KIAA0232: variants seen among roughly 807,000 people sequenced by gnomAD.
The protein encoded by KIAA0232 is uncharacterized protein KIAA0232.
KIAA0232 carries 27 observed loss-of-function variants against 122.0 expected under a neutral mutation model. The ratio of observed to expected loss-of-function variants is 0.22; its 90% CI spans 0.16 to 0.31. The LOEUF is 0.31. KIAA0232 is among the 10% of genes least tolerant of loss of function. The probability of loss-of-function intolerance (pLI) is 1.00; values close to 1 mark genes in which losing one functional copy is unlikely to be tolerated. For missense variants in KIAA0232, 1,551 were observed against 1,634.2 expected, an observed-to-expected ratio of 0.95 and a Z score of 0.88; for synonymous variants, 613 against 587.6, an observed-to-expected ratio of 1.04 and a Z score of -0.63.
At position 6,861,170 on chromosome 4, in the gene KIAA0232, C is replaced by T; in HGVS notation, c.788C>T (p.Thr263Ile). The T allele has an allele frequency of 6.2e-7, 1 of 1,614,104 alleles. No individual in the cohort carries two copies. The highest frequency in any genetic ancestry group is 8.5e-7 in the Non-Finnish European group (1 of 1,180,042). ...AAGGAAAACAAATTTAGTAATGGCA[C>T]AATTGAAGAAAAGCCTGCTTTGTAC... Reference protein sequence around the residue: ...NEKENKFSNGTIEEKPALYKK... With the variant: ...NEKENKFSNGIIEEKPALYKK... Residue 263 changes from threonine (T) to isoleucine (I), a missense_variant, in exon 7 of 10, where the codon ACA becomes ATA. Thr to Ile is a moderately conservative substitution (Grantham distance 89). Around this residue, in one of 5 missense-constraint regions of KIAA0232, gnomAD observed 377 missense variants for 381.7 expected, o/e 0.99. Coordinates refer to ENST00000307659, the MANE Select transcript of KIAA0232 (RefSeq NM_014743.3).
intron 3 of KIAA0232, among the ~76,000 whole-genome samples, chr4:6,833,318 C>T (rs1444933281): frequency 2.6e-5 from 4 of 152,178 alleles, no homozygotes; most frequent in Admixed American, 6.5e-5. Context: ...TATTTCAAAT[C>T]AGCATTTCAG....
At position 6,858,447 on chromosome 4, in the gene KIAA0232, A is replaced by G; in HGVS notation, c.459A>G (p.Leu153=). Residue 153 remains leucine (L), a synonymous_variant, in exon 6 of 10, where the codon TTA becomes TTG. Transcript: ENST00000307659. ...CAGAAGAGAAGATTCACAAAAAGTT[A>G]GAGGGGTCTCCCTCTCCAGAGGCAG... ...SKQEEKIHKK[L]EGSPSPEAEL... 2 of 1,605,284 alleles carry G rather than the reference A, an allele frequency of 1.2e-6. No individual in the cohort carries two copies. The highest frequency in any genetic ancestry group is 1.7e-6 in the Non-Finnish European group (2 of 1,176,286).
intron 4 of KIAA0232, 39 bp from the exon 5 acceptor site, chr4:6,857,125 C>T (rs755198419): frequency 1.3e-6 from 2 of 1,509,612 alleles, no homozygotes; most frequent in Non-Finnish European, 1.8e-6. Context: ...TTTGTACATA[C>T]CTGGCTGTAA....
At chr4:6,840,931 A>G (rs1044328224) in intron 3 of KIAA0232, among the ~76,000 whole-genome samples, 2 of 152,162 alleles carry the variant, frequency 1.3e-5, no homozygotes, top group African/African-American at 4.8e-5. Flanking sequence ...TAACAATTCA[A>G]TGCTGTTAAA....
At chr4:6,866,013 G>A (rs1209932185) in intron 7 of KIAA0232, among the ~76,000 whole-genome samples, 3 of 152,150 alleles carry the variant, frequency 2.0e-5, no homozygotes, top group African/African-American at 7.2e-5. Flanking sequence ...GCCCCCAGGC[G>A]ACTTGAGAGG....
At chr4:6,819,780 A>G (rs1218456467) in intron 2 of KIAA0232, among the ~76,000 whole-genome samples, 1 of 152,176 alleles carries the variant, frequency 6.6e-6, no homozygotes, top group Non-Finnish European at 1.5e-5. Context: ...TATTCTACCA[A>G]AAAGACACAT....
chr4:6,844,726 G>A (rs942149816), intron 4 of KIAA0232, among the ~76,000 whole-genome samples: 2 of 152,188 alleles, frequency 1.3e-5, no homozygotes, highest in African/African-American at 2.4e-5. Flanking sequence ...GTGAGCCACC[G>A]TGCCTGGCCA....
At chr4:6,784,832 G>A (rs1716542927) in intron 1 of KIAA0232, among the ~76,000 whole-genome samples, 1 of 151,976 alleles carries the variant, frequency 6.6e-6, no homozygotes, top group Non-Finnish European at 1.5e-5. Flanking sequence ...TTTTTTGTTT[G>A]CTTTGGAGAA....
At chr4:6,801,856 G>A (rs369284860) in intron 1 of KIAA0232, among the ~76,000 whole-genome samples, 2 of 152,120 alleles carry the variant, frequency 1.3e-5, no homozygotes, top group Non-Finnish European at 2.9e-5. Flanking sequence ...TTGTGCATGT[G>A]CTGAAATCAT....
intron 1 of KIAA0232, among the ~76,000 whole-genome samples, chr4:6,803,204 C>CAT (rs34234535): frequency 0.11 from 15,695 of 141,354 alleles, 785 homozygotes; most frequent in Admixed American, 0.13. Flanking sequence ...AAAATGAGTG[C>CAT]ATATATATAT....
intron 1 of KIAA0232, among the ~76,000 whole-genome samples, chr4:6,803,490 T>A (rs914110907): frequency 6.6e-6 from 1 of 152,172 alleles, no homozygotes; most frequent in African/African-American, 2.4e-5. Flanking sequence ...AGTAGTTACG[T>A]AGTTACTGGT....
intron 2 of KIAA0232, among the ~76,000 whole-genome samples, chr4:6,806,331 A>G (rs1717613139): frequency 6.6e-6 from 1 of 152,240 alleles, no homozygotes; most frequent in African/African-American, 2.4e-5. Context: ...TAACAGATGA[A>G]TAAGAATCAT....
At chr4:6,845,201 G>T (rs1200284062) in intron 4 of KIAA0232, among the ~76,000 whole-genome samples, 1 of 152,222 alleles carries the variant, frequency 6.6e-6, no homozygotes, top group Non-Finnish European at 1.5e-5. Context: ...TTGAGCCTGG[G>T]CTTAATCAGG....
Position 6,863,252 on chromosome 4 carries a change from G to A in KIAA0232, c.2870G>A (p.Ser957Asn). 6.2e-7 allele frequency: 1 copy of A among 1,614,094 alleles called. No individual in the cohort carries two copies. Residue 957 changes from serine (S) to asparagine (N), a missense_variant, in exon 7 of 10, where the codon AGT (serine) becomes AAT (asparagine). By Grantham distance (46) the Ser-to-Asn change is conservative. This residue lies in a region of KIAA0232 where 1,108 missense variants were observed against 1,154.8 expected (regional missense o/e 0.96). Transcript: ENST00000307659. ...AVVPPSHTKGSLLQCAASDVV... is the reference protein window; with the variant it reads ...AVVPPSHTKGNLLQCAASDVV... ...GTACCACCTAGTCACACAAAAGGAA[G>A]TCTGTTACAGTGTGCAGCTTCTGAT... is the stretch of plus-strand genomic sequence containing the variant.
chr4:6,807,075 T>TATC (rs1242773814), intron 2 of KIAA0232, among the ~76,000 whole-genome samples: 4 of 150,130 alleles, frequency 2.7e-5, no homozygotes, highest in Non-Finnish European at 3.0e-5. Context: ...TCTATCTATC[T>TATC]ATCTATTTAA....
intron 2 of KIAA0232, among the ~76,000 whole-genome samples, chr4:6,815,633 T>G (rs184545496): frequency 5.1e-4 from 78 of 152,350 alleles, no homozygotes; most frequent in Admixed American, 4.6e-3. Context: ...TGAAAAGTAC[T>G]GCATAGATGA....
chr4:6,843,507 AC>A (rs1719774873), intron 4 of KIAA0232, among the ~76,000 whole-genome samples: 1 of 152,084 alleles, frequency 6.6e-6, no homozygotes, highest in Admixed American at 6.6e-5. Context: ...GTGGCTCAAC[AC>A]CTGTAATCCC....
At chr4:6,793,716 G>C (rs1041764410) in intron 1 of KIAA0232, among the ~76,000 whole-genome samples, 1 of 152,194 alleles carries the variant, frequency 6.6e-6, no homozygotes, top group African/African-American at 2.4e-5. Context: ...GATAAGGGGA[G>C]AGTGAGCTAA....
intron 8 of KIAA0232, among the ~76,000 whole-genome samples, chr4:6,873,013 TC>T (rs1721574167): frequency 6.6e-6 from 1 of 152,216 alleles, no homozygotes; most frequent in Admixed American, 6.5e-5. Context: ...AGCTGAGTCT[TC>T]ACTGTTAGCG....
Sources: gnomAD v4.1 joint callset for allele counts (sites outside exome capture counted in the v4.1 genomes callset) on GRCh38, gnomAD v4.1.1 for gene constraint, gnomAD v4.1.1 regional missense constraint, MANE v1.5 for transcripts, NCBI Gene and HGNC (gene_info 2026-07-23, HGNC 2026-07-21) for gene names.